Variants in SLC35F3 observed in about 807,000 individuals in gnomAD.
SLC35F3 encodes the protein putative thiamine transporter SLC35F3.
In SLC35F3, 25 loss-of-function variants were observed where a neutral mutation model predicts 49.9. The observed-to-expected ratio is 0.50, with a 90% CI of 0.37 to 0.70. The LOEUF is 0.70. Among genes scored for constraint, SLC35F3 ranks in the 30% least tolerant of loss-of-function variants. The probability of loss-of-function intolerance (pLI) is 0.00; values close to 1 mark genes in which losing one functional copy is unlikely to be tolerated. For missense variants in SLC35F3, 525 were observed against 639.8 expected (o/e 0.82, Z 1.94); for synonymous variants, 275 against 265.4 (o/e 1.04, Z -0.35).
chr1:234,296,332 G>A (rs1202204777), intron 3 of SLC35F3, among the ~76,000 whole-genome samples: 1 of 151,894 alleles, frequency 6.6e-6, no homozygotes, highest in Non-Finnish European at 1.5e-5. Context: ...AAAAAACCTA[G>A]TGTGTAACCT....
intron 2 of SLC35F3, among the ~76,000 whole-genome samples, chr1:234,107,030 A>G (rs182130012): frequency 6.6e-6 from 1 of 152,336 alleles, no homozygotes; most frequent in East Asian, 1.9e-4. Context: ...TCAAAATCTC[A>G]GTGTCTTACA....
chr1:234,020,615 G>C (rs1186662320), intron 2 of SLC35F3, among the ~76,000 whole-genome samples: 1 of 151,934 alleles, frequency 6.6e-6, no homozygotes, highest in Non-Finnish European at 1.5e-5. Flanking sequence ...TTGAAGTTTG[G>C]TCCTTCTATT....
intron 2 of SLC35F3, among the ~76,000 whole-genome samples, chr1:233,967,927 G>C (rs1662927566): frequency 6.6e-6 from 1 of 152,202 alleles, no homozygotes; most frequent in Admixed American, 6.5e-5. Context: ...CCACTGAATG[G>C]AAAGTTTTAG....
At chr1:234,297,840 A>G (rs929403018) in intron 3 of SLC35F3, among the ~76,000 whole-genome samples, 2 of 152,194 alleles carry the variant, frequency 1.3e-5, no homozygotes, top group African/African-American at 4.8e-5. Context: ...AGAGTTAGTC[A>G]GAGTGCAAAG....
chr1:234,295,152 A>G (rs1487478896), intron 3 of SLC35F3, among the ~76,000 whole-genome samples: 2 of 152,204 alleles, frequency 1.3e-5, no homozygotes, highest in Non-Finnish European at 2.9e-5. Context: ...TGCTTTAGTG[A>G]CAGATCACTA....
chr1:233,974,885 A>G (rs1329875552), intron 2 of SLC35F3, among the ~76,000 whole-genome samples: 2 of 152,254 alleles, frequency 1.3e-5, no homozygotes, highest in African/African-American at 2.4e-5. Flanking sequence ...AACGTACCAC[A>G]TAACGTAATG....
chr1:234,157,630 G>A (rs1395256918), intron 2 of SLC35F3, among the ~76,000 whole-genome samples: 1 of 152,176 alleles, frequency 6.6e-6, no homozygotes, highest in Non-Finnish European at 1.5e-5. Context: ...CACGGCACTT[G>A]AGCAAGGTGG....
chr1:234,272,648 C>G (rs769360867), intron 3 of SLC35F3: 1 of 152,294 alleles, frequency 6.6e-6, no homozygotes, highest in Admixed American at 6.5e-5. Context: ...CCCAAAGAAG[C>G]TTTATTGCTC....
intron 2 of SLC35F3, among the ~76,000 whole-genome samples, chr1:233,969,596 C>T (rs1243266671): frequency 6.6e-6 from 1 of 152,188 alleles, no homozygotes; most frequent in African/African-American, 2.4e-5. Flanking sequence ...GAAAAACTGT[C>T]ACATAAAAGT....
chr1:234,280,301 T>C (rs1432107422), intron 3 of SLC35F3, among the ~76,000 whole-genome samples: 1 of 152,274 alleles, frequency 6.6e-6, no homozygotes, highest in Non-Finnish European at 1.5e-5. Context: ...GTCTTCTCCT[T>C]ATTCTTGCTG....
chr1:234,164,171 C>A (rs1047914862), intron 2 of SLC35F3, among the ~76,000 whole-genome samples: 1 of 151,472 alleles, frequency 6.6e-6, no homozygotes, highest in East Asian at 1.9e-4. Context: ...TTCCCCCTAC[C>A]CTGCCTCCCT....
intron 2 of SLC35F3, among the ~76,000 whole-genome samples, chr1:233,945,939 A>G (rs1662507184): frequency 6.6e-6 from 1 of 152,220 alleles, no homozygotes; most frequent in Non-Finnish European, 1.5e-5. Flanking sequence ...AATGTTTTAA[A>G]TAGCCAAAAG....
chr1:234,127,116 T>G (rs1229956322), intron 2 of SLC35F3, among the ~76,000 whole-genome samples: 1 of 152,230 alleles, frequency 6.6e-6, no homozygotes, highest in African/African-American at 2.4e-5. Flanking sequence ...TTCGTGTGTA[T>G]CAGTAGTTTA....
intron 2 of SLC35F3, among the ~76,000 whole-genome samples, chr1:233,953,579 G>C (rs1405759711): frequency 6.6e-6 from 1 of 152,216 alleles, no homozygotes; most frequent in Non-Finnish European, 1.5e-5. Context: ...TGTTGGCACA[G>C]CCACCCTGTG....
intron 2 of SLC35F3, among the ~76,000 whole-genome samples, chr1:234,111,075 G>T (rs943633452): frequency 5.3e-5 from 8 of 152,160 alleles, no homozygotes; most frequent in African/African-American, 1.7e-4. Flanking sequence ...AAAAGTTTAA[G>T]ATGAGAAATA....
At chr1:234,096,015 T>C (rs958869223) in intron 2 of SLC35F3, among the ~76,000 whole-genome samples, 2 of 152,232 alleles carry the variant, frequency 1.3e-5, no homozygotes, top group Non-Finnish European at 1.5e-5. Context: ...TTCTTCTTTG[T>C]TTCATGTGTT....
intron 3 of SLC35F3, chr1:234,268,709 G>T (rs186112557): frequency 4.3e-4 from 66 of 152,314 alleles, no homozygotes; most frequent in African/African-American, 1.4e-3. Flanking sequence ...AGACATCAAC[G>T]TGGGGATCTC....
At chr1:233,939,625 C>G (rs1192235521) in intron 2 of SLC35F3, among the ~76,000 whole-genome samples, 1 of 152,000 alleles carries the variant, frequency 6.6e-6, no homozygotes, top group Admixed American at 6.6e-5. Context: ...TTATGAACGG[C>G]TGTGTTCCAG....
At chr1:234,147,159 G>A (rs182280290) in intron 2 of SLC35F3, among the ~76,000 whole-genome samples, 1 of 151,206 alleles carries the variant, frequency 6.6e-6, no homozygotes, top group African/African-American at 2.4e-5. Context: ...ATTAAAGGAT[G>A]GACTTACCTT....
Sources: allele counts gnomAD v4.1 joint callset (sites outside exome capture counted in the v4.1 genomes callset), GRCh38; gene constraint gnomAD v4.1.1; transcripts MANE v1.5; gene names NCBI Gene and HGNC (gene_info 2026-07-23, HGNC 2026-07-21).